LPP: variants seen among roughly 807,000 people sequenced by gnomAD.
LPP encodes LIM domain containing preferred translocation partner in lipoma, also known as lipoma-preferred partner.
LPP carries 38 observed loss-of-function variants against 60.4 expected under a neutral mutation model. The ratio of observed to expected loss-of-function variants is 0.63; its 90% confidence interval spans 0.49 to 0.83. The LOEUF is 0.83. Among genes scored for constraint, LPP ranks in the 40% least tolerant of loss-of-function variants. LPP has a pLI of 0.00. For missense variants in LPP, 902 were observed against 783.6 expected (o/e 1.15, Z -1.80); for synonymous variants, 328 against 290.8 (o/e 1.13, Z -1.30).
intron 2 of LPP, among the ~76,000 whole-genome samples, chr3:188,291,225 C>CGT (rs1188667602): frequency 6.6e-6 from 1 of 151,920 alleles, no homozygotes; most frequent in Non-Finnish European, 1.5e-5. Context: ...TGTATGTGTG[C>CGT]GTGTGTGTTT....
chr3:188,163,873 C>T (rs1423063525), intron 1 of LPP, among the ~76,000 whole-genome samples: 1 of 151,258 alleles, frequency 6.6e-6, no homozygotes, highest in African/African-American at 2.4e-5. Flanking sequence ...ATCGCTTGAA[C>T]CCAGGAGGCT....
intron 9 of LPP, among the ~76,000 whole-genome samples, chr3:188,799,727 C>G (rs1380278307): frequency 6.6e-6 from 1 of 152,134 alleles, no homozygotes; most frequent in East Asian, 1.9e-4. Context: ...GTGTCTTGCA[C>G]TTAAGGTTTA....
intron 7 of LPP, among the ~76,000 whole-genome samples, chr3:188,672,922 G>A (rs751370460): frequency 8.6e-5 from 13 of 150,580 alleles, no homozygotes; most frequent in Non-Finnish European, 1.8e-4. Context: ...TTTAGTTTTT[G>A]ACTTCCATTT....
intron 8 of LPP, among the ~76,000 whole-genome samples, chr3:188,726,653 G>A (rs536785352): frequency 6.6e-6 from 1 of 152,220 alleles, no homozygotes; most frequent in Non-Finnish European, 1.5e-5. Flanking sequence ...TAGTGTGACC[G>A]CTATAATTGT....
At chr3:188,665,377 T>C (rs1191033328) in intron 7 of LPP, among the ~76,000 whole-genome samples, 1 of 152,124 alleles carries the variant, frequency 6.6e-6, no homozygotes, top group Non-Finnish European at 1.5e-5. Context: ...ATAGTTTCTA[T>C]GTGTTTGTCT....
intron 9 of LPP, among the ~76,000 whole-genome samples, chr3:188,845,824 C>G (rs1038031246): frequency 6.6e-6 from 1 of 152,168 alleles, no homozygotes; most frequent in African/African-American, 2.4e-5. Flanking sequence ...AGACCGAAAG[C>G]TTATCTGAGA....
intron 2 of LPP, among the ~76,000 whole-genome samples, chr3:188,245,447 C>G (rs1169207980): frequency 2.0e-5 from 3 of 152,054 alleles, no homozygotes; most frequent in African/African-American, 7.2e-5. Context: ...GATTCTATTC[C>G]TCACAGATCC....
chr3:188,318,459 A>AT (rs1245889767), intron 2 of LPP, among the ~76,000 whole-genome samples: 1 of 151,812 alleles, frequency 6.6e-6, no homozygotes, highest in African/African-American at 2.4e-5. Context: ...ATATGTGGAT[A>AT]TTTTTGTGAT....
chr3:188,270,647 G>T (rs1379045429), intron 2 of LPP, among the ~76,000 whole-genome samples: 1 of 152,184 alleles, frequency 6.6e-6, no homozygotes, highest in Non-Finnish European at 1.5e-5. Flanking sequence ...GACATGCAAT[G>T]CATTCCTCAG....
rs1289507635 is a variant in LPP at position 188,448,387 on chromosome 3, G to GAGATATCTATATTTAGATAA, written c.194-36165_194-36146dup. Among the ~76,000 whole-genome samples the GAGATATCTATATTTAGATAA allele has an allele frequency of 1.5e-3, 53 of 34,222 alleles. 1 individual carries two copies. The South Asian group carries it at 0.024, about 16-fold the overall frequency. The allele number at this position is 34,222 out of a possible 152,430, so 22.5% of individuals were successfully genotyped here. A position where few individuals can be genotyped will look rare whatever the true frequency, so the allele number is the denominator to read the frequency against. On this transcript the variant is annotated intron_variant, in intron 4 of 11. Transcript: ENST00000617246. ...ATAGATAATAATATCTATCTATATT[G>GAGATATCTATATTTAGATAA]AGATATCTATATTTAGATAAAGATA...
rs1861125360 is a variant in LPP at position 188,687,775 on chromosome 3, C to CTTTTTTTTCCAGCTGTCTTATACTCT, written c.1114-20484_1114-20483insCCAGCTGTCTTATACTCTTTTTTTTT. 1.3e-4 allele frequency among the ~76,000 whole-genome samples: 17 copies of CTTTTTTTTCCAGCTGTCTTATACTCT among 127,146 alleles called. No individual in the cohort carries two copies. In the Admixed American group the frequency reaches 1.4e-3, roughly 11 times the overall value. The allele number at this position is 127,146 out of a possible 152,430, so 83.4% of individuals were successfully genotyped here. A position where few individuals can be genotyped will look rare whatever the true frequency, so the allele number is the denominator to read the frequency against. ...CCTGTCTAACCAGCTGTCTTATACT[C>CTTTTTTTTCCAGCTGTCTTATACTCT]TTTTTTTTTTTTTTTTTGAGATGAA... On this transcript the variant is annotated intron_variant, in intron 7 of 11. Coordinates refer to ENST00000617246, the MANE Select transcript of LPP (RefSeq NM_001375462.1).
chr3:188,434,431 A>T (rs1315316193), intron 4 of LPP, among the ~76,000 whole-genome samples: 1 of 152,132 alleles, frequency 6.6e-6, no homozygotes, highest in Non-Finnish European at 1.5e-5. Context: ...AATGAGTTAC[A>T]TTCTTCCATT....
At chr3:188,530,615 C>T (rs73888808) in intron 6 of LPP, among the ~76,000 whole-genome samples, 5,982 of 152,200 alleles carry the variant, frequency 0.039, 214 homozygotes, top group African/African-American at 0.093. Flanking sequence ...GTATTTTCCC[C>T]GAACTATGAC....
chr3:188,512,442 C>T (rs1320776303), intron 5 of LPP, among the ~76,000 whole-genome samples: 1 of 151,172 alleles, frequency 6.6e-6, no homozygotes, highest in Admixed American at 6.6e-5. Context: ...ATCCTAGCTA[C>T]TCGGGAGGCT....
intron 7 of LPP, among the ~76,000 whole-genome samples, chr3:188,698,707 G>A (rs967116738): frequency 6.6e-6 from 1 of 152,210 alleles, no homozygotes; most frequent in Non-Finnish European, 1.5e-5. Context: ...CGAAGCCTAA[G>A]GGAGGCTGCT....
intron 9 of LPP, among the ~76,000 whole-genome samples, chr3:188,858,965 G>A (rs1375787054): frequency 6.6e-6 from 1 of 151,434 alleles, no homozygotes; most frequent in Non-Finnish European, 1.5e-5. Flanking sequence ...GGTGTGTGTC[G>A]GTAGTCCCAG....
At chr3:188,608,263 GT>G (rs1249599806) in intron 6 of LPP, among the ~76,000 whole-genome samples, 1 of 152,090 alleles carries the variant, frequency 6.6e-6, no homozygotes, top group Non-Finnish European at 1.5e-5. Context: ...ATGACCAATT[GT>G]CACAAAACTT....
intron 4 of LPP, among the ~76,000 whole-genome samples, chr3:188,452,838 ATC>A (rs1560423918): frequency 6.6e-6 from 1 of 152,092 alleles, no homozygotes; most frequent in Non-Finnish European, 1.5e-5. Context: ...CCTGTGAAGA[ATC>A]TCTGTTTTGT....
intron 9 of LPP, among the ~76,000 whole-genome samples, chr3:188,839,824 G>A (rs1051251251): frequency 6.6e-6 from 1 of 152,130 alleles, no homozygotes; most frequent in Non-Finnish European, 1.5e-5. Flanking sequence ...GTTGCAGTGA[G>A]CCGAGATCAC....
Sources: allele counts gnomAD v4.1 joint callset (sites outside exome capture counted in the v4.1 genomes callset), GRCh38; gene constraint gnomAD v4.1.1; transcripts MANE v1.5; gene names NCBI Gene and HGNC (gene_info 2026-07-23, HGNC 2026-07-21).